The following MALRD1 variants were observed in gnomAD, a reference collection of about 807,000 sequenced individuals.
MALRD1 encodes MAM and LDL-receptor class A domain-containing protein 1.
A neutral mutation model predicts 242.1 loss-of-function variants in MALRD1; 247 were observed. That is an observed-to-expected ratio of 1.02 (90% confidence interval 0.92 to 1.13). MALRD1 has a LOEUF of 1.13. Among genes scored for constraint, MALRD1 ranks in the 50% most tolerant of loss-of-function variants. The probability of loss-of-function intolerance (pLI) is 0.00; values close to 1 mark genes in which losing one functional copy is unlikely to be tolerated. For missense variants in MALRD1, 2,989 were observed against 2,533.1 expected, an observed-to-expected ratio of 1.18 and a Z score of -3.86; for synonymous variants, 995 against 866.6, an observed-to-expected ratio of 1.15 and a Z score of -2.60.
At chr10:19,713,386 A>G (rs542150042) in intron 38 of MALRD1, among the ~76,000 whole-genome samples, 2 of 152,206 alleles carry the variant, frequency 1.3e-5, no homozygotes, top group Non-Finnish European at 2.9e-5. Flanking sequence ...GGTAGGGGAT[A>G]AGGCATATAG....
intron 31 of MALRD1, among the ~76,000 whole-genome samples, chr10:19,529,607 T>C (rs1834257790): frequency 6.7e-6 from 1 of 149,854 alleles, no homozygotes; most frequent in African/African-American, 2.5e-5. Context: ...TGAAGACAAA[T>C]ATGGTAAATG....
chr10:19,474,404 CTT>C (rs1470058472), intron 29 of MALRD1, among the ~76,000 whole-genome samples: 5 of 152,166 alleles, frequency 3.3e-5, no homozygotes, highest in Admixed American at 2.0e-4. Context: ...TTAAAAATCT[CTT>C]TATCAAATAG....
intron 28 of MALRD1, among the ~76,000 whole-genome samples, chr10:19,432,243 A>T (rs1834163455): frequency 6.6e-6 from 1 of 152,218 alleles, no homozygotes; most frequent in African/African-American, 2.4e-5. Context: ...GTTACGTAAG[A>T]TTGAGAACAA....
chr10:19,101,831 T>A (rs1476941408), intron 4 of MALRD1, among the ~76,000 whole-genome samples: 1 of 136,588 alleles, frequency 7.3e-6, no homozygotes, highest in African/African-American at 2.6e-5. Flanking sequence ...ATAAATATGT[T>A]ATATCTCTAC....
intron 1 of MALRD1, among the ~76,000 whole-genome samples, chr10:19,049,454 A>C (rs1463521401): frequency 6.6e-6 from 1 of 152,226 alleles, no homozygotes; most frequent in African/African-American, 2.4e-5. Context: ...AGAACTCATT[A>C]ATGCAGCTGT....
chr10:19,331,828 T>A (rs187633833), intron 24 of MALRD1, among the ~76,000 whole-genome samples: 65 of 152,244 alleles, frequency 4.3e-4, no homozygotes, highest in African/African-American at 1.4e-3. Context: ...GGAAAACAGG[T>A]GTCTTCAAAG....
At chr10:19,449,696 A>G (rs938806158) in intron 28 of MALRD1, among the ~76,000 whole-genome samples, 1 of 152,240 alleles carries the variant, frequency 6.6e-6, no homozygotes, top group South Asian at 2.1e-4. Flanking sequence ...AGAAGATTGG[A>G]GGTTTTATAA....
chr10:19,638,064 G>T (rs951247949), intron 36 of MALRD1, among the ~76,000 whole-genome samples: 1 of 126,360 alleles, frequency 7.9e-6, no homozygotes, highest in Non-Finnish European at 1.6e-5. Flanking sequence ...TTGTGCCACT[G>T]CACTGTAGCC....
chr10:19,182,606 AG>A (rs1835559819), intron 14 of MALRD1, among the ~76,000 whole-genome samples: 1 of 152,032 alleles, frequency 6.6e-6, no homozygotes, highest in Non-Finnish European at 1.5e-5. Flanking sequence ...CTGGGATTAC[AG>A]GTGTGAGCCA....
At chr10:19,494,437 G>A (rs1400580713) in intron 30 of MALRD1, among the ~76,000 whole-genome samples, 1 of 152,182 alleles carries the variant, frequency 6.6e-6, no homozygotes, top group Non-Finnish European at 1.5e-5. Context: ...AGGTGAGATG[G>A]CTGAAATGGC....
At chr10:19,624,592 A>T (rs189727852) in intron 36 of MALRD1, among the ~76,000 whole-genome samples, 16 of 152,080 alleles carry the variant, frequency 1.1e-4, no homozygotes, top group African/African-American at 3.9e-4. Context: ...TAGGCCAGGC[A>T]TGGTGGCTCA....
chr10:19,209,703 T>C lies in MALRD1; in HGVS notation c.2991+23T>C, dbSNP rs774020665. 5 of 1,501,588 alleles carry C rather than the reference T, an allele frequency of 3.3e-6. No homozygotes were observed. In the Admixed American group the frequency reaches 6.9e-5, roughly 21 times the overall value. 93.0% of individuals were successfully genotyped at this position (1,501,588 alleles called of 1,614,324 possible). On this transcript the variant is annotated intron_variant, in intron 18 of 39. Transcript: ENST00000454679. ...CAGGTATGGATAATAGATTTTATAA[T>C]GTACATTTGAAATGCATCTGAATGT...
At chr10:19,399,069 G>A (rs1846713030) in intron 28 of MALRD1, among the ~76,000 whole-genome samples, 1 of 152,114 alleles carries the variant, frequency 6.6e-6, no homozygotes, top group African/African-American at 2.4e-5. Context: ...GTCATCTTAG[G>A]TATTATAAGA....
intron 24 of MALRD1, among the ~76,000 whole-genome samples, chr10:19,340,257 C>T (rs1176863995): frequency 6.6e-6 from 1 of 152,102 alleles, no homozygotes; most frequent in African/African-American, 2.4e-5. Flanking sequence ...AAACATTTAT[C>T]CCATGTGTTA....
intron 18 of MALRD1, among the ~76,000 whole-genome samples, chr10:19,230,762 G>A (rs934838182): frequency 3.3e-5 from 5 of 152,184 alleles, no homozygotes; most frequent in South Asian, 2.1e-4. Context: ...AGTAATTATC[G>A]TTCTCTAAAG....
In MALRD1 at chr10:19,524,750, G is replaced by A. The variant is rs372895803; in HGVS notation, c.5321-6444G>A. 2.4e-4 allele frequency among the ~76,000 whole-genome samples: 37 copies of A among 152,170 alleles called. 1 individual carries two copies. The South Asian group carries it at 7.7e-3, about 32-fold the overall frequency. On this transcript the variant is annotated intron_variant, in intron 31 of 39. Coordinates refer to ENST00000454679, the MANE Select transcript of MALRD1 (RefSeq NM_001142308.3). ...TGAGAAAAAAAAAGTCTAAAACTGA[G>A]TCTTAATTTAAAGCAGGGATTGAAT...
chr10:19,384,018 G>A (rs151032993), intron 26 of MALRD1, among the ~76,000 whole-genome samples: 4 of 151,726 alleles, frequency 2.6e-5, no homozygotes, highest in Non-Finnish European at 4.4e-5. Context: ...AAGACTTAAG[G>A]TCTGAATGAT....
At chr10:19,571,405 C>T (rs909281578) in intron 33 of MALRD1, among the ~76,000 whole-genome samples, 1 of 151,986 alleles carries the variant, frequency 6.6e-6, no homozygotes, top group African/African-American at 2.4e-5. Flanking sequence ...ATATATATGC[C>T]TCAGAGACAT....
chr10:19,678,297 A>G (rs1842220354), intron 36 of MALRD1, among the ~76,000 whole-genome samples: 1 of 152,150 alleles, frequency 6.6e-6, no homozygotes, highest in Admixed American at 6.5e-5. Context: ...CTTCCTATCC[A>G]TGAGCCTGGA....
Sources: gnomAD v4.1 joint callset for allele counts (sites outside exome capture counted in the v4.1 genomes callset) on GRCh38, gnomAD v4.1.1 for gene constraint, MANE v1.5 for transcripts, NCBI Gene and HGNC (gene_info 2026-07-23, HGNC 2026-07-21) for gene names.